KLF9: variants seen among roughly 807,000 people sequenced by gnomAD.
KLF9 encodes KLF transcription factor 9.
KLF9 carries 2 observed loss-of-function variants against 17.3 expected under a neutral mutation model. The observed-to-expected ratio is 0.12, with a 90% CI of 0.05 to 0.36. The LOEUF is 0.36. KLF9 is among the 10% of genes least tolerant of loss of function. The pLI is 1.00. For missense variants in KLF9, 226 were observed against 333.2 expected (o/e 0.68, Z 2.51); for synonymous variants, 138 against 139.2 (o/e 0.99, Z 0.06).
In KLF9 at chr9:70,385,423, T is replaced by A. The variant is rs1380285464; in HGVS notation, c.*2353A>T. Reference sequence around the variant, plus strand: ...CAACTTGAAAAGGCAAGTAACAACTTTTTTGGGAAGTAAATTGTGCATTTT... The same window carrying A: ...CAACTTGAAAAGGCAAGTAACAACTATTTTGGGAAGTAAATTGTGCATTTT... On this transcript the variant is annotated 3_prime_UTR_variant, in exon 2 of 2. Coordinates refer to ENST00000377126, the MANE Select transcript of KLF9 (RefSeq NM_001206.4). 1.3e-5 allele frequency: 2 copies of A among 152,652 alleles called. No homozygotes were observed. Among genetic ancestry groups the A allele is most frequent in the Non-Finnish European group, 2.9e-5 (2 of 68,034 alleles). The allele number at this position is 152,652 out of a possible 1,614,324, so 9.5% of individuals were successfully genotyped here.
At chr9:70,392,496 A>C (rs1365440589) in intron 1 of KLF9, among the ~76,000 whole-genome samples, 1 of 152,220 alleles carries the variant, frequency 6.6e-6, no homozygotes, top group African/African-American at 2.4e-5. Flanking sequence ...GTTTGGATCT[A>C]ACATGCCATG....
chr9:70,384,725 C>G lies in KLF9; in HGVS notation c.*3051G>C, dbSNP rs2037097611. 6.6e-6 allele frequency: 1 copy of G among 152,532 alleles called. No homozygotes were observed. The highest frequency in any genetic ancestry group is 2.1e-4 in the South Asian group (1 of 4,820). 9.4% of individuals were successfully genotyped at this position (152,532 alleles called of 1,614,324 possible). On this transcript the variant is annotated 3_prime_UTR_variant, in exon 2 of 2. Coordinates refer to ENST00000377126, the MANE Select transcript of KLF9 (RefSeq NM_001206.4). ...AACGGGACAGCAAAATAACTTAGGT[C>G]ACTAATACTGTACAAAAATAAAACT...
At chr9:70,407,239 G>A (rs1435900347) in intron 1 of KLF9, among the ~76,000 whole-genome samples, 5 of 152,244 alleles carry the variant, frequency 3.3e-5, no homozygotes, top group South Asian at 2.1e-4. Context: ...TGGGATAAGC[G>A]TCAACAATTG....
At chr9:70,391,898 G>A (rs1349563408) in intron 1 of KLF9, among the ~76,000 whole-genome samples, 2 of 152,242 alleles carry the variant, frequency 1.3e-5, no homozygotes, top group East Asian at 3.9e-4. Context: ...ATTGGTTTAA[G>A]TATTATCTAC....
chr9:70,389,424 T>G (rs1040302851), intron 1 of KLF9, among the ~76,000 whole-genome samples: 1 of 152,166 alleles, frequency 6.6e-6, no homozygotes, highest in African/African-American at 2.4e-5. Context: ...CAGGGTCACA[T>G]AACTGGAAAG....
Sources: gnomAD v4.1 joint callset for allele counts (sites outside exome capture counted in the v4.1 genomes callset) on GRCh38, gnomAD v4.1.1 for gene constraint, MANE v1.5 for transcripts, NCBI Gene and HGNC (gene_info 2026-07-23, HGNC 2026-07-21) for gene names.